Variants in TLK1 observed in about 807,000 individuals in gnomAD.
The protein encoded by TLK1 is tousled like kinase 1, also known as serine/threonine-protein kinase tousled-like 1.
A neutral mutation model predicts 105.3 loss-of-function variants in TLK1; 24 were observed. The ratio of observed to expected loss-of-function variants is 0.23; its 90% CI spans 0.17 to 0.32. TLK1 has a LOEUF of 0.32. Among genes scored for constraint, TLK1 ranks in the 10% least tolerant of loss-of-function variants. The pLI is 1.00. For missense variants in TLK1, 558 were observed against 910.5 expected (o/e 0.61, Z 4.98); for synonymous variants, 321 against 310.4 (o/e 1.03, Z -0.36).
intron 13 of TLK1, 138 bp from the exon 14 acceptor site, chr2:171,011,592 A>T: frequency 2.8e-6 from 2 of 720,044 alleles, no homozygotes; most frequent in East Asian, 2.8e-5. Context: ...ATTTCATTCA[A>T]TATTTCTTTT....
chr2:171,124,949 A>C (rs1475438410), intron 1 of TLK1, among the ~76,000 whole-genome samples: 2 of 152,186 alleles, frequency 1.3e-5, no homozygotes, highest in Admixed American at 6.5e-5. Context: ...AAACCACTCC[A>C]AATCATTTGC....
At chr2:171,095,388 CA>C (rs1471605839) in intron 2 of TLK1, among the ~76,000 whole-genome samples, 2 of 151,646 alleles carry the variant, frequency 1.3e-5, no homozygotes, top group African/African-American at 2.4e-5. Flanking sequence ...CTACCAAGAC[CA>C]AAAGAAGGAA....
chr2:171,016,535 G>GT (rs551276049), intron 12 of TLK1, among the ~76,000 whole-genome samples: 26 of 152,262 alleles, frequency 1.7e-4, no homozygotes, highest in African/African-American at 5.8e-4. Context: ...TGGAACAGAA[G>GT]TTTTTTCTGA....
chr2:171,205,219 T>C (rs758519203), intron 1 of TLK1, among the ~76,000 whole-genome samples: 56 of 151,968 alleles, frequency 3.7e-4, no homozygotes, highest in Non-Finnish European at 1.2e-4. Flanking sequence ...TCTCTAAAAA[T>C]AGGAGAATGT....
chr2:171,195,169 T>G (rs371061846), intron 1 of TLK1, among the ~76,000 whole-genome samples: 1 of 152,196 alleles, frequency 6.6e-6, no homozygotes, highest in African/African-American at 2.4e-5. Context: ...ACCCTTTTCC[T>G]GACAAGATGT....
intron 2 of TLK1, chr2:171,091,714 C>CG (rs1558937143): frequency 2.5e-5 from 3 of 120,526 alleles, no homozygotes; most frequent in South Asian, 5.8e-4. Context: ...GGGGGGGTGT[C>CG]TTTGTTGTTG....
At chr2:171,139,156 T>C (rs1575622091) in intron 1 of TLK1, among the ~76,000 whole-genome samples, 3 of 152,270 alleles carry the variant, frequency 2.0e-5, no homozygotes, top group Middle Eastern at 3.4e-3. Context: ...ATTAAAGGAA[T>C]AGGATATATA....
chr2:171,126,995 G>A (rs1009841942), intron 1 of TLK1, among the ~76,000 whole-genome samples: 3 of 151,738 alleles, frequency 2.0e-5, no homozygotes, highest in African/African-American at 7.3e-5. Flanking sequence ...AAAAGTCTGG[G>A]CTGGGCACGG....
At chr2:171,070,666 C>T (rs904829045) in intron 3 of TLK1, among the ~76,000 whole-genome samples, 1 of 152,208 alleles carries the variant, frequency 6.6e-6, no homozygotes, top group African/African-American at 2.4e-5. Context: ...TTTCTTTATC[C>T]ATTCATCTGT....
chr2:171,040,568 GTTTTTT>G (rs59971440), intron 11 of TLK1, among the ~76,000 whole-genome samples: 15 of 104,300 alleles, frequency 1.4e-4, no homozygotes, highest in Admixed American at 2.1e-4. Context: ...TTCCTTTTTT[GTTTTTT>G]TTTTTTTTTT....
intron 1 of TLK1, among the ~76,000 whole-genome samples, chr2:171,223,061 C>T (rs995459034): frequency 7.9e-5 from 12 of 152,172 alleles, no homozygotes; most frequent in African/African-American, 2.4e-4. Context: ...ATGATCTGCA[C>T]GCCTCTGCCT....
At position 171,122,252 on chromosome 2, in the gene TLK1, C is replaced by G. The variant is rs574310896; in HGVS notation, c.140-4395G>C. On this transcript the variant is annotated intron_variant, in intron 1 of 20. Coordinates refer to ENST00000431350, the MANE Select transcript of TLK1 (RefSeq NM_012290.5). ...GTGCTGGGATTACAGGCGTGAGCCA[C>G]CGCACCCGGCCCTAATAAGATATTT... Among the ~76,000 whole-genome samples the G allele has an allele frequency of 1.4e-4, 22 of 152,302 alleles. 2 individuals carry two copies. Among genetic ancestry groups the G allele is most frequent in the African/African-American group, 4.8e-4 (20 of 41,556 alleles).
intron 4 of TLK1, among the ~76,000 whole-genome samples, chr2:171,058,848 C>T (rs903802189): frequency 6.6e-6 from 1 of 152,104 alleles, no homozygotes; most frequent in African/African-American, 2.4e-5. Flanking sequence ...TGGAACTATA[C>T]AGAATACACG....
intron 1 of TLK1, among the ~76,000 whole-genome samples, chr2:171,221,784 G>GA (rs759152757): frequency 8.4e-4 from 128 of 152,170 alleles, no homozygotes; most frequent in Non-Finnish European, 1.3e-3. Context: ...TGTACACATG[G>GA]AAAAAAACAT....
intron 1 of TLK1, among the ~76,000 whole-genome samples, chr2:171,136,643 T>C (rs1172651744): frequency 1.3e-5 from 2 of 152,154 alleles, no homozygotes; most frequent in African/African-American, 4.8e-5. Context: ...AATTACAATT[T>C]TGAAAAAAAA....
chr2:171,156,496 T>C (rs143284086), intron 1 of TLK1, among the ~76,000 whole-genome samples: 2 of 152,360 alleles, frequency 1.3e-5, no homozygotes, highest in Non-Finnish European at 2.9e-5. Flanking sequence ...AAAGAGGCCC[T>C]GAGGCCAAAA....
chr2:171,145,453 G>C (rs1413852338), intron 1 of TLK1, among the ~76,000 whole-genome samples: 1 of 152,004 alleles, frequency 6.6e-6, no homozygotes, highest in East Asian at 1.9e-4. Context: ...AGCTGGGCAT[G>C]GTGGCGGGCA....
At chr2:171,161,216 G>C (rs1692489309), upstream of TLK1, among the ~76,000 whole-genome samples, 2 of 150,514 alleles carry the variant, frequency 1.3e-5, no homozygotes, top group Non-Finnish European at 3.0e-5. Context: ...CGCGCCGCTC[G>C]GGCTCCAGCG....
At chr2:171,137,327 A>G (rs751701239) in intron 1 of TLK1, among the ~76,000 whole-genome samples, 2 of 152,092 alleles carry the variant, frequency 1.3e-5, no homozygotes, top group Non-Finnish European at 2.9e-5. Context: ...CTTATCCCAA[A>G]TAAGGAATTA....
Sources: gnomAD v4.1 joint callset for allele counts (sites outside exome capture counted in the v4.1 genomes callset) on GRCh38, gnomAD v4.1.1 for gene constraint, MANE v1.5 for transcripts, NCBI Gene and HGNC (gene_info 2026-07-23, HGNC 2026-07-21) for gene names.